TMEM106B: variants seen among roughly 807,000 people sequenced by gnomAD.
TMEM106B encodes transmembrane protein 106B.
Under a neutral mutation model 31.1 loss-of-function variants are expected in TMEM106B, and 15 were observed. That is an observed-to-expected ratio of 0.48 (90% confidence interval 0.32 to 0.74). TMEM106B has a LOEUF of 0.74. Ranked by LOEUF, TMEM106B falls within the 30% of genes least tolerant of loss-of-function variation. The probability of loss-of-function intolerance (pLI) is 0.03; values close to 1 mark genes in which losing one functional copy is unlikely to be tolerated. For synonymous variants in TMEM106B, 126 were observed against 112.5 expected (o/e 1.12, Z -0.76); for missense variants, 283 against 327.3 (o/e 0.86, Z 1.04).
Position 12,231,970 on chromosome 7 carries a change from C to A in TMEM106B, c.820C>A (p.Gln274Lys). The change falls in exon 8 of 8, where the codon CAG (glutamine) becomes AAG (lysine). Residue 274 changes from glutamine to lysine, a missense_variant. This residue lies in a region of TMEM106B where 201 missense variants were observed against 211.5 expected (regional missense o/e 0.95). Transcript: ENST00000396668. The stretch of plus-strand genomic sequence containing the variant: ...ATATTTAAATGTACTTCAGCCACAA[C>A]AGTAAAAACTGGAAGAGATGGATTT... ...SEYLNVLQPQ[Q>K] 6.2e-7 allele frequency: 1 copy of A among 1,609,734 alleles called. No homozygotes were observed. Among genetic ancestry groups the A allele is most frequent in the Non-Finnish European group, 8.5e-7 (1 of 1,177,298 alleles).
At chr7:12,221,642 A>G (rs1044138066) in intron 3 of TMEM106B, among the ~76,000 whole-genome samples, 3 of 152,228 alleles carry the variant, frequency 2.0e-5, no homozygotes, top group African/African-American at 7.2e-5. Flanking sequence ...TGATTGCACC[A>G]GCAAGCCCTG....
chr7:12,226,955 C>T (rs911266373), intron 4 of TMEM106B, among the ~76,000 whole-genome samples: 1 of 151,922 alleles, frequency 6.6e-6, no homozygotes, highest in African/African-American at 2.4e-5. Context: ...TTTTGGCCTA[C>T]CTCCAAAGAC....
At position 12,231,826 on chromosome 7, in the gene TMEM106B, A is replaced by C. The variant is rs3800842; in HGVS notation, c.687-11A>C. ...CTATTAAATGTCTCTCCTCACTTAC[A>C]TTATTTTTAGAGTTACTGTGACAAC... On this transcript the variant is annotated splice_polypyrimidine_tract_variant and intron_variant, in intron 7 of 7. Coordinates refer to ENST00000396668, the MANE Select transcript of TMEM106B (RefSeq NM_001134232.2). The C allele has an allele frequency of 6.3e-7, 1 of 1,582,098 alleles. No individual in the cohort carries two copies. Among genetic ancestry groups the C allele is most frequent in the South Asian group, 1.1e-5 (1 of 87,220 alleles).
intron 3 of TMEM106B, among the ~76,000 whole-genome samples, chr7:12,219,835 A>G (rs1781754014): frequency 6.6e-6 from 1 of 152,236 alleles, no homozygotes; most frequent in Admixed American, 6.5e-5. Flanking sequence ...AGTCACATAA[A>G]GAAAACTAAA....
rs943015859 is a variant in TMEM106B at position 12,237,646 on chromosome 7, CATT to C, written c.*5674_*5676del. The stretch of plus-strand genomic sequence containing the variant: ...CTGTAGTCTATTAAGTGTGCAATAG[CATT>C]ATGTCGAAAAACACAATATATATGC... On this transcript the variant is annotated 3_prime_UTR_variant, in exon 8 of 8. Coordinates refer to ENST00000396668, the MANE Select transcript of TMEM106B (RefSeq NM_001134232.2). 6.6e-6 allele frequency: 1 copy of C among 151,934 alleles called. No homozygotes were observed. The highest frequency in any genetic ancestry group is 6.6e-5 in the Admixed American group (1 of 15,228). The allele number at this position is 151,934 out of a possible 1,614,324, so 9.4% of individuals were successfully genotyped here. A position where few individuals can be genotyped will look rare whatever the true frequency, so the allele number is the denominator to read the frequency against.
intron 3 of TMEM106B, among the ~76,000 whole-genome samples, chr7:12,219,601 G>A (rs1781749248): frequency 6.6e-6 from 1 of 152,088 alleles, no homozygotes; most frequent in African/African-American, 2.4e-5. Context: ...GACAGCATAA[G>A]GCAGAAATTG....
intron 2 of TMEM106B, chr7:12,215,862 A>T (rs761417610): frequency 6.0e-6 from 1 of 166,482 alleles, no homozygotes; most frequent in Non-Finnish European, 1.4e-5. Context: ...ATCATAGGGG[A>T]CGTCAGAAGG....
At chr7:12,223,107 G>T (rs1267564869) in intron 3 of TMEM106B, among the ~76,000 whole-genome samples, 1 of 152,096 alleles carries the variant, frequency 6.6e-6, no homozygotes. Flanking sequence ...TTTGAACTCT[G>T]GTTTTGAGGT....
chr7:12,234,582 G>T lies in TMEM106B; in HGVS notation c.*2607G>T, dbSNP rs13309255. 8,547 of 151,850 alleles carry T rather than the reference G, an allele frequency of 0.056. 332 individuals carry two copies. The highest frequency in any genetic ancestry group is 0.099 in the Middle Eastern group (29 of 292). 9.4% of individuals were successfully genotyped at this position (151,850 alleles called of 1,614,324 possible). Reference sequence around the variant, plus strand: ...AGCTTTTCTTAGGTCAATGTCCAGTGTGCTTTTTTCCATGGGAATAGGATA... The same window carrying T: ...AGCTTTTCTTAGGTCAATGTCCAGTTTGCTTTTTTCCATGGGAATAGGATA... On this transcript the variant is annotated 3_prime_UTR_variant, in exon 8 of 8. Coordinates refer to ENST00000396668, the MANE Select transcript of TMEM106B (RefSeq NM_001134232.2).
chr7:12,228,952 TAG>T (rs1374322861), intron 4 of TMEM106B, among the ~76,000 whole-genome samples: 3 of 152,076 alleles, frequency 2.0e-5, no homozygotes, highest in African/African-American at 4.8e-5. Context: ...CATTTCCTGT[TAG>T]AGTTTTGTCT....
intron 2 of TMEM106B, among the ~76,000 whole-genome samples, chr7:12,216,914 A>C (rs11974384): frequency 6.6e-6 from 1 of 151,786 alleles, no homozygotes; most frequent in Non-Finnish European, 1.5e-5. Context: ...AGTGGGCTCA[A>C]GAGTGCATAG....
chr7:12,215,016 G>C lies in TMEM106B; in HGVS notation c.206G>C (p.Arg69Thr). The C allele has an allele frequency of 6.2e-7, 1 of 1,613,392 alleles. No individual in the cohort carries two copies. The highest frequency in any genetic ancestry group is 8.5e-7 in the Non-Finnish European group (1 of 1,179,464). Residue 69 changes from arginine (R) to threonine (T), a missense_variant, in exon 2 of 8, where the codon AGA becomes ACA. By Grantham distance (71) the Arg-to-Thr change is moderately conservative. Around this residue, in one of 3 missense-constraint regions of TMEM106B, gnomAD observed 77 missense variants for 89.4 expected, o/e 0.86. Coordinates refer to ENST00000396668, the MANE Select transcript of TMEM106B (RefSeq NM_001134232.2). Reference sequence around the variant, plus strand: ...TGCCCTACTTGTCAGGGAACAGGAAGAATTCCTAGGGGTATGTGTTATTGT... The same window carrying C: ...TGCCCTACTTGTCAGGGAACAGGAACAATTCCTAGGGGTATGTGTTATTGT... ...VTCPTCQGTG[R>T]IPRGQENQLV...
chr7:12,214,946 T>G lies in TMEM106B; in HGVS notation c.136T>G (p.Ser46Ala). ...HNEDGRNGDVSQFPYVEFTGR... is the reference protein window; with the variant it reads ...HNEDGRNGDVAQFPYVEFTGR... ...TGAAGATGGAAGAAATGGAGATGTC[T>G]CTCAGTTTCCATATGTGGAATTTAC... Residue 46 changes from serine to alanine, a missense_variant, in exon 2 of 8, where the codon TCT becomes GCT. Coordinates refer to ENST00000396668, the MANE Select transcript of TMEM106B (RefSeq NM_001134232.2). 6.2e-7 allele frequency: 1 copy of G among 1,614,090 alleles called. No individual in the cohort carries two copies. Among genetic ancestry groups the G allele is most frequent in the Non-Finnish European group, 8.5e-7 (1 of 1,179,974 alleles).
intron 1 of TMEM106B, among the ~76,000 whole-genome samples, chr7:12,211,883 A>G (rs1364962321): frequency 6.6e-6 from 1 of 152,184 alleles, no homozygotes; most frequent in Non-Finnish European, 1.5e-5. Flanking sequence ...GTGCTGTGAT[A>G]TATTTTTTCT....
chr7:12,220,865 G>A (rs1351554259), intron 3 of TMEM106B, among the ~76,000 whole-genome samples: 4 of 151,922 alleles, frequency 2.6e-5, no homozygotes, highest in Admixed American at 2.0e-4. Flanking sequence ...GAGGACTGAT[G>A]GAATAAGATA....
Position 12,242,379 on chromosome 7 carries a change from CAAAAAAAAAAAA to C in TMEM106B, c.*10421_*10432del, listed in dbSNP as rs1169765784. The C allele has an allele frequency of 5.1e-4, 6 of 11,662 alleles. 1 individual carries two copies. The highest frequency in any genetic ancestry group is 7.2e-4 in the Non-Finnish European group (6 of 8,344). 0.7% of individuals were successfully genotyped at this position (11,662 alleles called of 1,614,324 possible). A position where few individuals can be genotyped will look rare whatever the true frequency, so the allele number is the denominator to read the frequency against. On this transcript the variant is annotated 3_prime_UTR_variant, in exon 8 of 8. Coordinates refer to ENST00000396668, the MANE Select transcript of TMEM106B (RefSeq NM_001134232.2). ...TGGGCGACAGAGCGAGACTCCGTCT[CAAAAAAAAAAAA>C]AAAAAAAAAAAAAAAATACCCTTCT... is the stretch of plus-strand genomic sequence containing the variant.
rs1389043993 is a variant in TMEM106B, at chr7:12,234,687, A to G, written c.*2712A>G. 4 of 151,898 alleles carry G rather than the reference A, an allele frequency of 2.6e-5. No individual in the cohort carries two copies. The East Asian group carries it at 5.8e-4, about 22-fold the overall frequency. 9.4% of individuals were successfully genotyped at this position (151,898 alleles called of 1,614,324 possible). A position where few individuals can be genotyped will look rare whatever the true frequency, so the allele number is the denominator to read the frequency against. ...AAGATATGTTACAGAAATTTTTCTG[A>G]TACTTCCTGGAATAACTTTAAGTTA... On this transcript the variant is annotated 3_prime_UTR_variant, in exon 8 of 8. Coordinates refer to ENST00000396668, the MANE Select transcript of TMEM106B (RefSeq NM_001134232.2).
rs1035007853 is a variant in TMEM106B, at chr7:12,239,866, G to A, written c.*7891G>A. 6.6e-6 allele frequency: 1 copy of A among 151,960 alleles called. No individual in the cohort carries two copies. Among genetic ancestry groups the A allele is most frequent in the African/African-American group, 2.4e-5 (1 of 41,390 alleles). 9.4% of individuals were successfully genotyped at this position (151,960 alleles called of 1,614,324 possible). On this transcript the variant is annotated 3_prime_UTR_variant, in exon 8 of 8. Transcript: ENST00000396668. The stretch of plus-strand genomic sequence containing the variant: ...AGGTTTAATAATAATGGAAACATTT[G>A]AAATATTGCAAAAATTACCAAAATG...
At position 12,215,037 on chromosome 7, in the gene TMEM106B, A is replaced by C. The variant is rs1274957354; in HGVS notation, c.217+10A>C. 6.2e-7 allele frequency: 1 copy of C among 1,603,842 alleles called. No homozygotes were observed. The highest frequency in any genetic ancestry group is 2.2e-5 in the East Asian group (1 of 44,706). On this transcript the variant is annotated intron_variant, in intron 2 of 7. Coordinates refer to ENST00000396668, the MANE Select transcript of TMEM106B (RefSeq NM_001134232.2). ...GGAAGAATTCCTAGGGGTATGTGTT[A>C]TTGTATTGTTTTCCCTTTAAATGAT...
Sources: allele counts gnomAD v4.1 joint callset (sites outside exome capture counted in the v4.1 genomes callset), GRCh38; gene constraint gnomAD v4.1.1; regional missense constraint gnomAD v4.1.1; transcripts MANE v1.5; gene names NCBI Gene and HGNC (gene_info 2026-07-23, HGNC 2026-07-21).